The following PLEKHS1 variants were observed in gnomAD, a reference collection of about 807,000 sequenced individuals.
PLEKHS1 encodes pleckstrin homology domain-containing family S member 1.
In PLEKHS1, 55 loss-of-function variants were observed where a neutral mutation model predicts 51.0. That is an observed-to-expected ratio of 1.08 (90% CI 0.87 to 1.35). The LOEUF is 1.35. Among genes scored for constraint, PLEKHS1 ranks in the 40% most tolerant of loss-of-function variants. PLEKHS1 has a pLI of 0.00. For missense variants in PLEKHS1, 398 were observed against 423.0 expected (o/e 0.94, Z 0.52); for synonymous variants, 153 against 144.8 (o/e 1.06, Z -0.41).
intron 11 of PLEKHS1, chr10:113,777,525 T>G (rs1297949729): frequency 6.4e-7 from 1 of 1,556,708 alleles, no homozygotes; most frequent in African/African-American, 1.4e-5. Context: ...AGAGCTTGCA[T>G]GGAATCAGAC....
At chr10:113,778,285 C>T (rs1322601575) in intron 11 of PLEKHS1, among the ~76,000 whole-genome samples, 1 of 152,198 alleles carries the variant, frequency 6.6e-6, no homozygotes, top group South Asian at 2.1e-4. Flanking sequence ...GGGTCTTCAA[C>T]TGGAGAAGCT....
intron 2 of PLEKHS1, among the ~76,000 whole-genome samples, chr10:113,762,365 CTT>C (rs34457408): frequency 0.045 from 2,791 of 61,692 alleles, 24 homozygotes; most frequent in African/African-American, 0.064. Flanking sequence ...AGATTTGTTC[CTT>C]TTTTTTTTTT....
chr10:113,770,956 GC>G (rs1281168417), intron 7 of PLEKHS1, among the ~76,000 whole-genome samples: 1 of 152,168 alleles, frequency 6.6e-6, no homozygotes, highest in East Asian at 1.9e-4. Flanking sequence ...GGCTCCATGA[GC>G]TTGGAACTTA....
rs1440594292 is a variant in PLEKHS1 at position 113,757,915 on chromosome 10, C to T, written c.28+2610C>T. Among the ~76,000 whole-genome samples the T allele has an allele frequency of 5.3e-5, 8 of 152,174 alleles. No homozygotes were observed. The South Asian group carries it at 8.3e-4, about 16-fold the overall frequency. ...AAGAAAACACTTTCTTTTCATATCCCGTAAGAAGCAGCTCCTCATCTGTTG... is the reference window on the plus strand; with the variant it reads ...AAGAAAACACTTTCTTTTCATATCCTGTAAGAAGCAGCTCCTCATCTGTTG... On this transcript the variant is annotated intron_variant, in intron 2 of 11. Transcript: ENST00000361048.
chr10:113,765,831 G>A (rs1844136605), intron 2 of PLEKHS1, among the ~76,000 whole-genome samples: 1 of 152,116 alleles, frequency 6.6e-6, no homozygotes, highest in African/African-American at 2.4e-5. Context: ...GTTTTGGAAA[G>A]GGCAGTCTTT....
At chr10:113,753,257 G>C (rs1853932211) in intron 1 of PLEKHS1, among the ~76,000 whole-genome samples, 1 of 152,146 alleles carries the variant, frequency 6.6e-6, no homozygotes, top group Non-Finnish European at 1.5e-5. Context: ...CAGAGGGAAA[G>C]GTGATGGGTT....
At chr10:113,759,600 G>T (rs1370293524) in intron 2 of PLEKHS1, among the ~76,000 whole-genome samples, 2 of 151,754 alleles carry the variant, frequency 1.3e-5, no homozygotes, top group Admixed American at 1.3e-4. Context: ...GGTATTGAGT[G>T]CACCAATAGT....
chr10:113,753,173 T>C (rs941848477), intron 1 of PLEKHS1, among the ~76,000 whole-genome samples: 8 of 152,054 alleles, frequency 5.3e-5, no homozygotes, highest in African/African-American at 1.7e-4. Flanking sequence ...ATTTCTCCGA[T>C]TGGATCCTTG....
intron 11 of PLEKHS1, 49 bp downstream of exon 11, chr10:113,775,915 T>G: frequency 7.3e-7 from 1 of 1,376,612 alleles, no homozygotes; most frequent in Non-Finnish European, 1.0e-6. Context: ...GCTGGAAGCT[T>G]TGAAGAGAAC....
chr10:113,764,169 C>T (rs575674569), intron 2 of PLEKHS1, among the ~76,000 whole-genome samples: 1 of 152,244 alleles, frequency 6.6e-6, no homozygotes, highest in South Asian at 2.1e-4. Flanking sequence ...GGCGCTATCT[C>T]GGCTCACTGC....
intron 2 of PLEKHS1, among the ~76,000 whole-genome samples, chr10:113,758,341 G>A (rs1307934933): frequency 2.0e-5 from 3 of 152,200 alleles, no homozygotes; most frequent in African/African-American, 4.8e-5. Flanking sequence ...TAGCAGGCAT[G>A]TAAACAGCAT....
intron 7 of PLEKHS1, 138 bp downstream of exon 7, chr10:113,770,038 C>T (rs1844335567): frequency 1.4e-6 from 1 of 707,664 alleles, no homozygotes. Flanking sequence ...ATTCTTAGCC[C>T]TGATGTTTAT....
At chr10:113,766,280 T>C in intron 2 of PLEKHS1, 131 bp from the exon 3 acceptor site, 1 of 617,558 alleles carries the variant, frequency 1.6e-6, no homozygotes, top group South Asian at 2.1e-5. Context: ...TCTTGGGTTA[T>C]TATAGGTGTC....
intron 2 of PLEKHS1, among the ~76,000 whole-genome samples, chr10:113,765,956 C>T (rs2134514351): frequency 1.3e-5 from 2 of 152,330 alleles, no homozygotes; most frequent in African/African-American, 4.8e-5. Context: ...GGGGAGGTGG[C>T]TGTGTTTACC....
intron 11 of PLEKHS1, 114 bp downstream of exon 12, chr10:113,777,373 T>A: frequency 6.2e-7 from 1 of 1,609,468 alleles, no homozygotes; most frequent in Admixed American, 1.7e-5. Context: ...TCCTCATTCT[T>A]CCACCATCAA....
At chr10:113,758,238 C>T (rs968121115) in intron 2 of PLEKHS1, among the ~76,000 whole-genome samples, 1 of 152,182 alleles carries the variant, frequency 6.6e-6, no homozygotes, top group Non-Finnish European at 1.5e-5. Flanking sequence ...CGATCTACAA[C>T]AGCTATAGCC....
chr10:113,777,297 G>C (rs1374644287), intron 11 of PLEKHS1, 38 bp downstream of exon 12: 1 of 1,609,646 alleles, frequency 6.2e-7, no homozygotes, highest in Admixed American at 1.7e-5. Context: ...GGGCAAATCA[G>C]TACCAGAAGG....
rs777115891 is a variant in PLEKHS1 at position 113,766,499 on chromosome 10, GGTAA to G, written c.117+4_117+7del. 8 of 1,600,028 alleles carry G rather than the reference GGTAA, an allele frequency of 5.0e-6. No homozygotes were observed. Among genetic ancestry groups the G allele is most frequent in the Middle Eastern group, 1.7e-4 (1 of 6,036 alleles). ...CACCTTCTCAGCTGTTCTCCTCTGT[GGTAA>G]GTATTTGCTGTGATTTAACAAGCCT... On this transcript the variant is annotated splice_donor_variant and splice_donor_region_variant and intron_variant, in intron 3 of 11. Transcript: ENST00000361048. LOFTEE classifies it high-confidence loss of function.
intron 8 of PLEKHS1, among the ~76,000 whole-genome samples, chr10:113,772,447 A>AAGAAT (rs1437526495): frequency 6.6e-5 from 10 of 152,094 alleles, no homozygotes; most frequent in Non-Finnish European, 1.3e-4. Flanking sequence ...CTGCATTCTT[A>AAGAAT]GCAGAAAGAA....
Sources: allele counts gnomAD v4.1 joint callset (sites outside exome capture counted in the v4.1 genomes callset), GRCh38; gene constraint gnomAD v4.1.1; transcripts MANE v1.5; gene names NCBI Gene and HGNC (gene_info 2026-07-23, HGNC 2026-07-21).